DLGAP1: variants seen among roughly 807,000 people sequenced by gnomAD.
DLGAP1 encodes DLG associated protein 1.
Under a neutral mutation model 90.8 loss-of-function variants are expected in DLGAP1, and 11 were observed. The observed-to-expected ratio is 0.12, with a 90% confidence interval of 0.08 to 0.20. The LOEUF (loss-of-function observed/expected upper bound fraction) is 0.20, where lower values mean the gene tolerates loss of function less well. DLGAP1 is among the 10% of genes least tolerant of loss of function. The pLI is 1.00. For synonymous variants in DLGAP1, 558 were observed against 540.7 expected (o/e 1.03, Z -0.44); for missense variants, 1,050 against 1,333.8 (o/e 0.79, Z 3.31).
chr18:3,529,559 A>G (rs945550902), intron 10 of DLGAP1, among the ~76,000 whole-genome samples: 20 of 152,216 alleles, frequency 1.3e-4, no homozygotes, highest in Admixed American at 7.2e-4. Context: ...ACTCAAATAC[A>G]TATTTACTGA....
chr18:3,695,973 G>A (rs2061078079), intron 7 of DLGAP1, among the ~76,000 whole-genome samples: 1 of 152,190 alleles, frequency 6.6e-6, no homozygotes, highest in African/African-American at 2.4e-5. Context: ...TTGTGAATGA[G>A]AGTTCACTCA....
chr18:4,083,746 G>A (rs1347284519), intron 2 of DLGAP1, among the ~76,000 whole-genome samples: 1 of 152,144 alleles, frequency 6.6e-6, no homozygotes, highest in Non-Finnish European at 1.5e-5. Context: ...GGGGGAGCAT[G>A]CAGATGAGCA....
intron 2 of DLGAP1, among the ~76,000 whole-genome samples, chr18:4,143,318 G>A (rs981857671): frequency 6.6e-6 from 1 of 151,842 alleles, no homozygotes; most frequent in African/African-American, 2.4e-5. Context: ...CAGCTGAGCT[G>A]GTACTCACAA....
chr18:3,980,974 C>T (rs1295993694), intron 3 of DLGAP1, among the ~76,000 whole-genome samples: 2 of 152,182 alleles, frequency 1.3e-5, no homozygotes, highest in African/African-American at 4.8e-5. Flanking sequence ...TTCAATAGAT[C>T]TCTTGGACTT....
intron 1 of DLGAP1, among the ~76,000 whole-genome samples, chr18:4,262,334 G>A (rs546711989): frequency 6.9e-6 from 1 of 145,860 alleles, no homozygotes; most frequent in East Asian, 1.9e-4. Context: ...AGGTGTGTGT[G>A]TGTGCACAGT....
chr18:4,079,691 AAT>A (rs10597845), intron 2 of DLGAP1, among the ~76,000 whole-genome samples: 17,198 of 146,386 alleles, frequency 0.12, 1,019 homozygotes, highest in South Asian at 0.17. Flanking sequence ...ATTGAAATTA[AAT>A]ATATATATAT....
At chr18:3,846,501 G>A (rs891171473) in intron 4 of DLGAP1, among the ~76,000 whole-genome samples, 16 of 152,234 alleles carry the variant, frequency 1.1e-4, no homozygotes, top group African/African-American at 3.6e-4. Context: ...GTACACAAAT[G>A]TTCACAGCAC....
intron 1 of DLGAP1, among the ~76,000 whole-genome samples, chr18:4,442,905 C>G (rs749598328): frequency 2.0e-5 from 3 of 152,122 alleles, no homozygotes; most frequent in Middle Eastern, 6.3e-3. Flanking sequence ...TGTTCTTGCT[C>G]GGGGCTGAAC....
At position 3,879,882 on chromosome 18, in the gene DLGAP1, C is replaced by A; in HGVS notation, c.187G>T (p.Asp63Tyr). ...FQAECVGPFS[D>Y]PLASSTFPRR... ...GGGAAGGTGCTGCTGGCCAGCGGGT[C>A]GCTGAAGGGGCCCACGCACTCAGCC... The change falls in exon 4 of 13, where the codon GAC (aspartate) becomes TAC (tyrosine). Residue 63 changes from aspartate (D) to tyrosine (Y), a missense_variant. Physicochemically the swap from Asp to Tyr is radical, Grantham distance 160. This residue lies in a region of DLGAP1 where 485 missense variants were observed against 454.1 expected (regional missense o/e 1.07). Coordinates refer to ENST00000315677, the MANE Select transcript of DLGAP1 (RefSeq NM_004746.4). This position sits in a 1 kb window ranked among gnomAD's most constrained non-coding sequence, Gnocchi z 6.6. 6.2e-7 allele frequency: 1 copy of A among 1,611,268 alleles called. No individual in the cohort carries two copies. The highest frequency in any genetic ancestry group is 8.5e-7 in the Non-Finnish European group (1 of 1,179,516).
Position 3,935,733 on chromosome 18 carries a change from T to C in DLGAP1, c.-72-55593A>G, listed in dbSNP as rs77682162. On this transcript the variant is annotated intron_variant, in intron 3 of 12. Coordinates refer to ENST00000315677, the MANE Select transcript of DLGAP1 (RefSeq NM_004746.4). Reference sequence around the variant, plus strand: ...ACTGTGTTTACATAGTAAAACTGAATCTTCAAAATGTTGAAGATGGGGACT... The same window carrying C: ...ACTGTGTTTACATAGTAAAACTGAACCTTCAAAATGTTGAAGATGGGGACT... Among the ~76,000 whole-genome samples the C allele has an allele frequency of 2.6e-4, 39 of 152,332 alleles. No individual in the cohort carries two copies. In the East Asian group the frequency reaches 7.3e-3, roughly 29 times the overall value.
intron 2 of DLGAP1, among the ~76,000 whole-genome samples, chr18:4,130,331 C>T (rs139851842): frequency 5.9e-5 from 9 of 152,124 alleles, no homozygotes; most frequent in Non-Finnish European, 1.0e-4. Context: ...AAGGAACACA[C>T]GAACACAGAT....
intron 2 of DLGAP1, among the ~76,000 whole-genome samples, chr18:4,031,056 CTCT>C (rs1298913075): frequency 6.6e-6 from 1 of 152,132 alleles, no homozygotes; most frequent in Non-Finnish European, 1.5e-5. Flanking sequence ...GGCTCTGGGT[CTCT>C]TCTTTGGCCT....
intron 1 of DLGAP1, among the ~76,000 whole-genome samples, chr18:4,187,192 C>T (rs779874586): frequency 4.6e-5 from 7 of 152,094 alleles, no homozygotes; most frequent in Admixed American, 2.0e-4. Context: ...ACCATTTCAT[C>T]GGCAAACAGA....
chr18:4,440,067 C>A (rs1308565148), intron 1 of DLGAP1, among the ~76,000 whole-genome samples: 2 of 143,540 alleles, frequency 1.4e-5, no homozygotes, highest in Non-Finnish European at 3.0e-5. Flanking sequence ...TTGCAGTGAG[C>A]CGAGATCACA....
chr18:3,674,691 C>T (rs1048745906), intron 7 of DLGAP1, among the ~76,000 whole-genome samples: 4 of 152,050 alleles, frequency 2.6e-5, no homozygotes, highest in African/African-American at 9.7e-5. Context: ...CTACTATAAT[C>T]ACTTCCACCC....
At chr18:4,215,215 T>C (rs2077927596) in intron 1 of DLGAP1, among the ~76,000 whole-genome samples, 1 of 152,202 alleles carries the variant, frequency 6.6e-6, no homozygotes, top group Non-Finnish European at 1.5e-5. Flanking sequence ...ATTATTTTTA[T>C]TGCATTAATT....
chr18:4,301,620 C>T (rs2080128227), intron 1 of DLGAP1, among the ~76,000 whole-genome samples: 4 of 152,142 alleles, frequency 2.6e-5, no homozygotes, highest in Admixed American at 2.6e-4. Context: ...TGCAGATATG[C>T]AGATATGCCT....
At chr18:3,623,388 C>T (rs1036999726) in intron 7 of DLGAP1, among the ~76,000 whole-genome samples, 14 of 152,132 alleles carry the variant, frequency 9.2e-5, no homozygotes, top group East Asian at 1.9e-4. Context: ...TTCCAGGCTT[C>T]GCATGTATAA....
intron 2 of DLGAP1, among the ~76,000 whole-genome samples, chr18:4,050,573 A>G (rs186681082): frequency 5.9e-5 from 9 of 152,200 alleles, no homozygotes; most frequent in Middle Eastern, 3.2e-3. Context: ...TTAATACTCA[A>G]TGGAAACTTG....
Sources: gnomAD v4.1 joint callset for allele counts (sites outside exome capture counted in the v4.1 genomes callset) on GRCh38, gnomAD v4.1.1 for gene constraint, gnomAD v4.1.1 regional missense constraint, Gnocchi (gnomAD v3.1) non-coding constraint, MANE v1.5 for transcripts, NCBI Gene and HGNC (gene_info 2026-07-23, HGNC 2026-07-21) for gene names.